The following SRGAP1 variants were observed in gnomAD, a reference collection of about 807,000 sequenced individuals.
SRGAP1 encodes the protein SLIT-ROBO Rho GTPase activating protein 1, also known as SLIT-ROBO Rho GTPase-activating protein 1.
Under a neutral mutation model 121.9 loss-of-function variants are expected in SRGAP1, and 43 were observed. That is an observed-to-expected ratio of 0.35 (90% CI 0.28 to 0.46). The LOEUF (loss-of-function observed/expected upper bound fraction) is 0.46. SRGAP1 is among the 20% of genes least tolerant of loss of function. The probability of loss-of-function intolerance (pLI) is 1.00; values close to 1 mark genes in which losing one functional copy is unlikely to be tolerated. For synonymous variants in SRGAP1, 447 were observed against 485.4 expected, an observed-to-expected ratio of 0.92 and a Z score of 1.04; for missense variants, 1,102 against 1,350.9, an observed-to-expected ratio of 0.82 and a Z score of 2.89.
chr12:63,998,678 A>G (rs2033786061), intron 3 of SRGAP1, among the ~76,000 whole-genome samples: 1 of 152,184 alleles, frequency 6.6e-6, no homozygotes. Flanking sequence ...CAGTCTATAG[A>G]AAAATTACTC....
chr12:63,862,734 G>A (rs140602936), intron 1 of SRGAP1, among the ~76,000 whole-genome samples: 1 of 152,158 alleles, frequency 6.6e-6, no homozygotes, highest in Non-Finnish European at 1.5e-5. Flanking sequence ...ATGTAATGGC[G>A]CTGTGTATTT....
At chr12:63,850,483 G>T (rs1341961755) in intron 1 of SRGAP1, among the ~76,000 whole-genome samples, 1 of 150,868 alleles carries the variant, frequency 6.6e-6, no homozygotes, top group African/African-American at 2.4e-5. Flanking sequence ...CCAGGCTGCA[G>T]TGCAGTGGGT....
intron 1 of SRGAP1, among the ~76,000 whole-genome samples, chr12:63,936,604 G>GA (rs2031669920): frequency 6.6e-6 from 1 of 152,138 alleles, no homozygotes; most frequent in African/African-American, 2.4e-5. Context: ...ACAGTACAGT[G>GA]AAGACATAGA....
chr12:63,959,778 C>A (rs139131751), intron 1 of SRGAP1, among the ~76,000 whole-genome samples: 1 of 152,152 alleles, frequency 6.6e-6, no homozygotes, highest in Non-Finnish European at 1.5e-5. Context: ...ATTCTTATCT[C>A]TCCTTTAAAG....
chr12:64,080,628 C>A, intron 10 of SRGAP1: 1 of 529,450 alleles, frequency 1.9e-6, no homozygotes, highest in East Asian at 3.5e-5. Flanking sequence ...AGGGAGGGAT[C>A]TTCAGAGTGT....
chr12:64,125,685 T>C (rs1592345154), intron 18 of SRGAP1, among the ~76,000 whole-genome samples: 1 of 152,338 alleles, frequency 6.6e-6, no homozygotes, highest in East Asian at 1.9e-4. Flanking sequence ...TTGCAAAGTT[T>C]AAAGTATTTT....
chr12:63,997,328 T>C (rs1378085415), intron 3 of SRGAP1, among the ~76,000 whole-genome samples: 2 of 152,098 alleles, frequency 1.3e-5, no homozygotes, highest in African/African-American at 4.8e-5. Context: ...TAGTAGTCTA[T>C]ACCATCTGGA....
At chr12:64,119,301 CTT>C (rs2036568470) in intron 18 of SRGAP1, among the ~76,000 whole-genome samples, 1 of 152,166 alleles carries the variant, frequency 6.6e-6, no homozygotes, top group Admixed American at 6.5e-5. Context: ...TTTAATAAAT[CTT>C]AATCGTTCAT....
At chr12:64,025,065 G>A (rs929495786) in intron 4 of SRGAP1, among the ~76,000 whole-genome samples, 2 of 151,776 alleles carry the variant, frequency 1.3e-5, no homozygotes. Flanking sequence ...TCACAGGAGC[G>A]GTTTAAAAAG....
intron 1 of SRGAP1, among the ~76,000 whole-genome samples, chr12:63,922,323 G>A (rs1462383293): frequency 1.3e-5 from 2 of 152,228 alleles, no homozygotes; most frequent in African/African-American, 2.4e-5. Context: ...TTCTAATGTA[G>A]CTTAAGGAAT....
In SRGAP1 at chr12:64,055,462, A is replaced by C. The variant is rs112649383; in HGVS notation, c.802-7455A>C. On this transcript the variant is annotated intron_variant, in intron 6 of 21. Coordinates refer to ENST00000355086, the MANE Select transcript of SRGAP1 (RefSeq NM_020762.4). ...TTTACAGATTCAATGCCATCCCCAT[A>C]AAGCTACCAATGCCTTTCTTCACAG... Among the ~76,000 whole-genome samples the C allele has an allele frequency of 2.4e-3, 366 of 151,792 alleles. 1 individual carries two copies. The highest frequency in any genetic ancestry group is 8.2e-3 in the African/African-American group (339 of 41,266).
intron 3 of SRGAP1, among the ~76,000 whole-genome samples, chr12:64,006,719 C>T (rs1213871881): frequency 6.6e-6 from 1 of 152,078 alleles, no homozygotes; most frequent in Non-Finnish European, 1.5e-5. Flanking sequence ...TCTATACTTA[C>T]AATGACATTG....
At chr12:63,946,894 A>G (rs989608538) in intron 1 of SRGAP1, among the ~76,000 whole-genome samples, 4 of 151,690 alleles carry the variant, frequency 2.6e-5, no homozygotes, top group East Asian at 1.9e-4. Context: ...AGTAAGTACT[A>G]TTTTTTCAGG....
intron 10 of SRGAP1, among the ~76,000 whole-genome samples, chr12:64,083,956 G>A (rs1023866307): frequency 6.6e-6 from 1 of 152,170 alleles, no homozygotes; most frequent in Non-Finnish European, 1.5e-5. Context: ...TTTCAAAAGG[G>A]AAGCTGAATG....
chr12:64,114,453 C>T lies in SRGAP1; in HGVS notation c.2145-1361C>T, dbSNP rs563483167. 2.7e-4 allele frequency among the ~76,000 whole-genome samples: 41 copies of T among 150,090 alleles called. No individual in the cohort carries two copies. In the South Asian group the frequency reaches 7.9e-3, roughly 29 times the overall value. On this transcript the variant is annotated intron_variant, in intron 17 of 21. Transcript: ENST00000355086. ...GCAACCTCTGCCTCCCGGGTTCAAG[C>T]GATTCTCCTGCCTCAGCCTCCCAAG...
chr12:64,141,273 A>T (rs1484891872), intron 21 of SRGAP1, among the ~76,000 whole-genome samples: 3 of 92,442 alleles, frequency 3.2e-5, no homozygotes, highest in Non-Finnish European at 6.4e-5. Context: ...AAAGTATAAT[A>T]AAAAAAAAAA....
chr12:64,076,644 GA>G (rs199559819), intron 8 of SRGAP1, among the ~76,000 whole-genome samples: 3 of 151,512 alleles, frequency 2.0e-5, no homozygotes, highest in Non-Finnish European at 2.9e-5. Context: ...CTCCCAGAAA[GA>G]AAAAAAAATT....
rs1234991687 is a variant in SRGAP1 at position 64,147,509 on chromosome 12, T to A, written c.*4837T>A. On this transcript the variant is annotated 3_prime_UTR_variant, in exon 22 of 22. Transcript: ENST00000355086. ...CTGTCGGTCCTCAGACTGTCTCGTTTTCCTTGTAGACGTGATTGTGCCTTT... is the reference window on the plus strand; with the variant it reads ...CTGTCGGTCCTCAGACTGTCTCGTTATCCTTGTAGACGTGATTGTGCCTTT... 5.0e-6 allele frequency: 2 copies of A among 398,768 alleles called. No homozygotes were observed. The highest frequency in any genetic ancestry group is 8.8e-6 in the Non-Finnish European group (2 of 226,160). 24.7% of individuals were successfully genotyped at this position (398,768 alleles called of 1,614,324 possible). A position where few individuals can be genotyped will look rare whatever the true frequency, so the allele number is the denominator to read the frequency against.
At chr12:64,067,077 G>A (rs1311522404) in intron 8 of SRGAP1, among the ~76,000 whole-genome samples, 1 of 152,020 alleles carries the variant, frequency 6.6e-6, no homozygotes, top group Admixed American at 6.6e-5. Flanking sequence ...ACTGCCTCAT[G>A]AATTGAAGAG....
Sources: gnomAD v4.1 joint callset for allele counts (sites outside exome capture counted in the v4.1 genomes callset) on GRCh38, gnomAD v4.1.1 for gene constraint, MANE v1.5 for transcripts, NCBI Gene and HGNC (gene_info 2026-07-23, HGNC 2026-07-21) for gene names.